UBR1: variants seen among roughly 807,000 people sequenced by gnomAD.
UBR1 encodes E3 ubiquitin-protein ligase UBR1.
Under a neutral mutation model 242.1 loss-of-function variants are expected in UBR1, and 102 were observed. The observed-to-expected ratio is 0.42, with a 90% CI of 0.36 to 0.50. UBR1 has a LOEUF of 0.50. UBR1 is among the 20% of genes least tolerant of loss of function. The probability of loss-of-function intolerance (pLI) is 0.01; values close to 1 mark genes in which losing one functional copy is unlikely to be tolerated. For synonymous variants in UBR1, 675 were observed against 684.8 expected, an observed-to-expected ratio of 0.99 and a Z score of 0.22; for missense variants, 1,772 against 2,101.8, an observed-to-expected ratio of 0.84 and a Z score of 3.07.
At chr15:42,954,039 AG>A (rs977328290) in intron 44 of UBR1, among the ~76,000 whole-genome samples, 4 of 151,808 alleles carry the variant, frequency 2.6e-5, no homozygotes, top group African/African-American at 9.7e-5. Context: ...CATGCCACCA[AG>A]CCTAGCTAAT....
At position 42,982,617 on chromosome 15, in the gene UBR1, C is replaced by A. The variant is rs559375865; in HGVS notation, c.4150+1280G>T. Among the ~76,000 whole-genome samples, 3 of 152,204 alleles carry A rather than the reference C, an allele frequency of 2.0e-5. No individual in the cohort carries two copies. In the South Asian group the frequency reaches 6.2e-4, roughly 32 times the overall value. ...AGGAGTTGTGGAATCTCCACATCAA[C>A]AGGATGAGCGGAAAGCTGCTCAGGA... On this transcript the variant is annotated intron_variant, in intron 37 of 46. Transcript: ENST00000290650.
intron 19 of UBR1, among the ~76,000 whole-genome samples, chr15:43,034,960 T>C (rs1441890500): frequency 6.7e-6 from 1 of 150,214 alleles, no homozygotes. Flanking sequence ...CTTCTAAAAA[T>C]GTGTCTTAAC....
chr15:43,055,156 T>G (rs2033601638), intron 11 of UBR1, among the ~76,000 whole-genome samples: 1 of 152,164 alleles, frequency 6.6e-6, no homozygotes, highest in African/African-American at 2.4e-5. Context: ...TAGATAAATG[T>G]TTATCATCAG....
intron 1 of UBR1, among the ~76,000 whole-genome samples, chr15:43,099,675 T>C (rs945638423): frequency 6.6e-6 from 1 of 152,162 alleles, no homozygotes; most frequent in African/African-American, 2.4e-5. Context: ...CATTCATTCA[T>C]ACATTCAATA....
rs1567154589 is a variant in UBR1 at position 43,105,930 on chromosome 15, A to G, written c.81+12T>C. ...GGGGGAGGACAAAAGAGACTTGCCT[A>G]TAGGGACTTACAGATGCCAGACGCT... On this transcript the variant is annotated intron_variant, in intron 1 of 46. Transcript: ENST00000290650. 1.2e-6 allele frequency: 2 copies of G among 1,613,342 alleles called. No individual in the cohort carries two copies. Among genetic ancestry groups the G allele is most frequent in the East Asian group, 2.2e-5 (1 of 44,866 alleles).
intron 35 of UBR1, among the ~76,000 whole-genome samples, chr15:42,985,753 G>C (rs9920498): frequency 0.86 from 131,153 of 152,038 alleles, 56,672 homozygotes; most frequent in South Asian, 0.91. Flanking sequence ...CTTTGGGTGG[G>C]TGAGGCAGGA....
intron 8 of UBR1, 99 bp downstream of exon 8, chr15:43,059,603 A>AC: frequency 5.1e-6 from 6 of 1,165,058 alleles, no homozygotes; most frequent in Admixed American, 2.6e-5. Flanking sequence ...AAAAAAAAAA[A>AC]AGAAAAACTT....
At chr15:43,075,591 C>A (rs890906985) in intron 3 of UBR1, among the ~76,000 whole-genome samples, 3 of 151,938 alleles carry the variant, frequency 2.0e-5, no homozygotes, top group African/African-American at 7.2e-5. Context: ...CCTCCCCACT[C>A]CCCCCTAGAA....
intron 43 of UBR1, among the ~76,000 whole-genome samples, chr15:42,959,293 G>A: frequency 6.6e-6 from 1 of 152,034 alleles, no homozygotes; most frequent in Non-Finnish European, 1.5e-5. Flanking sequence ...CTAGGCTCAA[G>A]CAATACTCCT....
At chr15:43,046,950 T>G (rs2033494096) in intron 14 of UBR1, among the ~76,000 whole-genome samples, 3 of 152,166 alleles carry the variant, frequency 2.0e-5, no homozygotes, top group Admixed American at 1.3e-4. Flanking sequence ...AACCCTGCTA[T>G]TCCCCAAAAT....
At chr15:43,054,696 C>A in intron 12 of UBR1, 46 bp downstream of exon 12, 1 of 1,605,630 alleles carries the variant, frequency 6.2e-7, no homozygotes, top group Non-Finnish European at 8.5e-7. Flanking sequence ...CAAATAAGCA[C>A]ACTGAGTTTA....
intron 29 of UBR1, among the ~76,000 whole-genome samples, chr15:43,008,164 G>A (rs2032862440): frequency 6.6e-6 from 1 of 152,264 alleles, no homozygotes; most frequent in Non-Finnish European, 1.5e-5. Context: ...CTGCAGCAGT[G>A]GAGGCGTGGC....
At chr15:43,001,858 G>GAA (rs2032730280) in intron 32 of UBR1, among the ~76,000 whole-genome samples, 1 of 151,978 alleles carries the variant, frequency 6.6e-6, no homozygotes, top group South Asian at 2.1e-4. Context: ...TGGATCTTCA[G>GAA]AAAAATGAAA....
rs143683780 is a variant in UBR1, at chr15:43,037,447, T to A, written c.2022+326A>T. On this transcript the variant is annotated intron_variant, in intron 17 of 46. Transcript: ENST00000290650. ...AAAAAATTACAAGGTGGCCTTCAAT[T>A]AAGACAGATGGTGGAAAGACTAAAG... Among the ~76,000 whole-genome samples the A allele has an allele frequency of 1.7e-3, 252 of 152,100 alleles. 1 individual carries two copies. The Middle Eastern group carries it at 0.027, about 16-fold the overall frequency.
chr15:43,061,008 A>C (rs1340145778), intron 6 of UBR1, among the ~76,000 whole-genome samples: 1 of 152,150 alleles, frequency 6.6e-6, no homozygotes, highest in East Asian at 1.9e-4. Context: ...TTGGACAAGA[A>C]TAGTTACATA....
intron 1 of UBR1, among the ~76,000 whole-genome samples, chr15:43,097,258 C>G (rs2034172819): frequency 6.6e-6 from 1 of 152,044 alleles, no homozygotes; most frequent in South Asian, 2.1e-4. Flanking sequence ...CAGTTCTCTA[C>G]AGTGGACTTA....
chr15:43,079,713 C>T (rs1349075592), intron 3 of UBR1, among the ~76,000 whole-genome samples: 2 of 152,068 alleles, frequency 1.3e-5, no homozygotes, highest in East Asian at 3.9e-4. Flanking sequence ...ACCCGGGAGA[C>T]AGAGATTGCA....
At chr15:43,097,251 T>C (rs2034172710) in intron 1 of UBR1, among the ~76,000 whole-genome samples, 1 of 152,138 alleles carries the variant, frequency 6.6e-6, no homozygotes, top group South Asian at 2.1e-4. Context: ...TTCTCAGCAG[T>C]TCTCTACAGT....
intron 29 of UBR1, among the ~76,000 whole-genome samples, chr15:43,010,207 T>C (rs930186197): frequency 2.0e-5 from 3 of 152,134 alleles, no homozygotes; most frequent in Non-Finnish European, 4.4e-5. Context: ...ACTCACTAAG[T>C]GTGGTACCAC....
Sources: allele counts gnomAD v4.1 joint callset (sites outside exome capture counted in the v4.1 genomes callset), GRCh38; gene constraint gnomAD v4.1.1; transcripts MANE v1.5; gene names NCBI Gene and HGNC (gene_info 2026-07-23, HGNC 2026-07-21).